Variants in CDH6 observed in about 807,000 individuals in gnomAD.
CDH6 encodes the protein cadherin-6.
Under a neutral mutation model 78.0 loss-of-function variants are expected in CDH6, and 31 were observed. The ratio of observed to expected loss-of-function variants is 0.40; its 90% CI spans 0.30 to 0.54. The LOEUF is 0.54. CDH6 is among the 20% of genes least tolerant of loss of function. The probability of loss-of-function intolerance (pLI) is 0.56; values close to 1 mark genes in which losing one functional copy is unlikely to be tolerated. For synonymous variants in CDH6, 376 were observed against 368.8 expected, an observed-to-expected ratio of 1.02 and a Z score of -0.23; for missense variants, 724 against 975.9, an observed-to-expected ratio of 0.74 and a Z score of 3.44.
intron 3 of CDH6, among the ~76,000 whole-genome samples, chr5:31,295,348 G>A (rs901199942): frequency 1.1e-4 from 17 of 152,074 alleles, no homozygotes; most frequent in Non-Finnish European, 2.2e-4. Flanking sequence ...CCTCTACGTG[G>A]TAAAAGGCAG....
chr5:31,258,528 C>T (rs1742120684), intron 1 of CDH6, among the ~76,000 whole-genome samples: 1 of 152,012 alleles, frequency 6.6e-6, no homozygotes, highest in African/African-American at 2.4e-5. Flanking sequence ...AGGAGAAATA[C>T]CTAATGTAGA....
chr5:31,242,094 A>G (rs1741618121), intron 1 of CDH6, among the ~76,000 whole-genome samples: 3 of 152,176 alleles, frequency 2.0e-5, no homozygotes, highest in African/African-American at 7.2e-5. Context: ...CAATAATCAA[A>G]TGGCAGTCTC....
chr5:31,241,806 A>T (rs1442028113), intron 1 of CDH6, among the ~76,000 whole-genome samples: 3 of 152,240 alleles, frequency 2.0e-5, no homozygotes, highest in African/African-American at 7.2e-5. Context: ...AACTAGCTGC[A>T]AAGCAGGTTG....
At chr5:31,310,223 A>AAAACCAAGGGGCCG (rs1554010666) in intron 7 of CDH6, among the ~76,000 whole-genome samples, 1 of 152,196 alleles carries the variant, frequency 6.6e-6, no homozygotes, top group South Asian at 2.1e-4. Flanking sequence ...GATATTGGCC[A>AAAACCAAGGGGCCG]CAGGCCCCAT....
intron 2 of CDH6, among the ~76,000 whole-genome samples, chr5:31,275,415 C>G (rs1307608813): frequency 6.6e-6 from 1 of 152,076 alleles, no homozygotes; most frequent in African/African-American, 2.4e-5. Flanking sequence ...CCATGAGTAC[C>G]CGATGTTTAG....
At chr5:31,210,285 T>C (rs1579816722) in intron 1 of CDH6, among the ~76,000 whole-genome samples, 1 of 151,902 alleles carries the variant, frequency 6.6e-6, no homozygotes, top group South Asian at 2.1e-4. Flanking sequence ...GAGGCCGAGG[T>C]GGGTGGATTG....
chr5:31,260,603 C>G (rs189216772), intron 1 of CDH6, among the ~76,000 whole-genome samples: 92 of 152,296 alleles, frequency 6.0e-4, no homozygotes, highest in Non-Finnish European at 1.2e-3. Flanking sequence ...AGAACAAGGG[C>G]AATCCTGTTA....
intron 1 of CDH6, among the ~76,000 whole-genome samples, chr5:31,266,137 C>T (rs1742347789): frequency 6.6e-6 from 1 of 151,630 alleles, no homozygotes; most frequent in Non-Finnish European, 1.5e-5. Flanking sequence ...TTTTTTTCGC[C>T]CAAAAATGTG....
chr5:31,236,619 T>C (rs772880000), intron 1 of CDH6, among the ~76,000 whole-genome samples: 1 of 152,134 alleles, frequency 6.6e-6, no homozygotes, highest in Admixed American at 6.6e-5. Flanking sequence ...CTGCTATTAA[T>C]CTACTGGAAC....
At chr5:31,230,994 T>C (rs1460901195) in intron 1 of CDH6, among the ~76,000 whole-genome samples, 1 of 152,192 alleles carries the variant, frequency 6.6e-6, no homozygotes, top group African/African-American at 2.4e-5. Flanking sequence ...AATATGCTCT[T>C]TTAAATATTC....
At chr5:31,306,541 G>C (rs1373460107) in intron 7 of CDH6, among the ~76,000 whole-genome samples, 1 of 152,096 alleles carries the variant, frequency 6.6e-6, no homozygotes, top group Admixed American at 6.6e-5. Context: ...AGGCCAAGGT[G>C]GGCAGATCAC....
intron 1 of CDH6, among the ~76,000 whole-genome samples, chr5:31,254,830 T>A (rs1190402789): frequency 6.6e-6 from 1 of 152,252 alleles, no homozygotes; most frequent in Non-Finnish European, 1.5e-5. Flanking sequence ...TCATTTTGTT[T>A]TTTAGATCAT....
intron 2 of CDH6, among the ~76,000 whole-genome samples, chr5:31,292,852 C>CATAT (rs140377309): frequency 8.5e-3 from 75 of 8,788 alleles, no homozygotes; most frequent in Admixed American, 0.019. Context: ...TATATGTGTG[C>CATAT]ATATATATAT....
intron 2 of CDH6, among the ~76,000 whole-genome samples, chr5:31,292,700 C>T (rs757045308): frequency 1.5e-4 from 22 of 150,892 alleles, no homozygotes; most frequent in African/African-American, 3.4e-4. Context: ...AAGCACTTTT[C>T]GAAAATTTGC....
At chr5:31,245,091 C>T (rs1175477331) in intron 1 of CDH6, among the ~76,000 whole-genome samples, 1 of 152,190 alleles carries the variant, frequency 6.6e-6, no homozygotes, top group Non-Finnish European at 1.5e-5. Context: ...TCTCTTGCCC[C>T]AGTGCAGACT....
intron 1 of CDH6, among the ~76,000 whole-genome samples, chr5:31,265,929 C>G (rs1742336958): frequency 6.6e-6 from 1 of 151,482 alleles, no homozygotes; most frequent in Non-Finnish European, 1.5e-5. Flanking sequence ...TGCCCGCCAC[C>G]ACGCCCGGCT....
intron 1 of CDH6, among the ~76,000 whole-genome samples, chr5:31,243,684 C>G (rs892438000): frequency 6.6e-6 from 1 of 152,200 alleles, no homozygotes; most frequent in Admixed American, 6.5e-5. Context: ...ATCTCCAGCT[C>G]AGACTCCAGG....
chr5:31,226,690 C>A (rs1281119475), intron 1 of CDH6, among the ~76,000 whole-genome samples: 2 of 152,116 alleles, frequency 1.3e-5, no homozygotes, highest in Non-Finnish European at 2.9e-5. Context: ...CCTACCAACA[C>A]GAGAAGAAAA....
intron 1 of CDH6, among the ~76,000 whole-genome samples, chr5:31,239,877 C>T (rs1741552080): frequency 1.3e-5 from 2 of 152,308 alleles, no homozygotes; most frequent in South Asian, 4.1e-4. Context: ...TGGTCTACCC[C>T]TCTCTCTAGT....
Sources: gnomAD v4.1 joint callset for allele counts (sites outside exome capture counted in the v4.1 genomes callset) on GRCh38, gnomAD v4.1.1 for gene constraint, MANE v1.5 for transcripts, NCBI Gene and HGNC (gene_info 2026-07-23, HGNC 2026-07-21) for gene names.